Variants in ANKS1B observed in about 807,000 individuals in gnomAD.
The protein encoded by ANKS1B is ankyrin repeat and sterile alpha motif domain-containing protein 1B.
Under a neutral mutation model 148.3 loss-of-function variants are expected in ANKS1B, and 36 were observed. The observed-to-expected ratio is 0.24, with a 90% CI of 0.19 to 0.32. The LOEUF is 0.32. ANKS1B is among the 10% of genes least tolerant of loss of function. The pLI, the probability that ANKS1B is intolerant of heterozygous loss-of-function variation, is 1.00. For synonymous variants in ANKS1B, 542 were observed against 560.8 expected (o/e 0.97, Z 0.47); for missense variants, 1,157 against 1,542.6 (o/e 0.75, Z 4.19).
At position 99,646,385 on chromosome 12, in the gene ANKS1B, A is replaced by G. The variant is rs768532850; in HGVS notation, c.1272+8682T>C. ...AACTAAAGACTCAAGTGGGCTGGGC[A>G]CGGTGGCTCACACCTGTAATCCCAG... On this transcript the variant is annotated intron_variant, in intron 9 of 26. Transcript: ENST00000683438. Among the ~76,000 whole-genome samples, 5 of 152,176 alleles carry G rather than the reference A, an allele frequency of 3.3e-5. No individual in the cohort carries two copies. The South Asian group carries it at 6.2e-4, about 19-fold the overall frequency.
At chr12:99,784,250 C>A (rs182346548) in intron 4 of ANKS1B, among the ~76,000 whole-genome samples, 2 of 149,934 alleles carry the variant, frequency 1.3e-5, no homozygotes, top group Admixed American at 1.3e-4. Flanking sequence ...CAGCTCACTG[C>A]AAGCTCCGCC....
In ANKS1B at chr12:98,957,767, A is replaced by G. The variant is rs139724166; in HGVS notation, c.2778+95390T>C. ...ACAATTTTCACTTAGATTAATATAC[A>G]TAGATTTATAGTAGCTTGTGGGGGA... is the stretch of plus-strand genomic sequence containing the variant. On this transcript the variant is annotated intron_variant, in intron 17 of 26. Coordinates refer to ENST00000683438, the MANE Select transcript of ANKS1B (RefSeq NM_001352186.2). 5.6e-3 allele frequency among the ~76,000 whole-genome samples: 856 copies of G among 152,302 alleles called. 9 individuals are homozygous for G. The highest frequency in any genetic ancestry group is 0.02 in the African/African-American group (825 of 41,558).
intron 17 of ANKS1B, among the ~76,000 whole-genome samples, chr12:98,992,022 C>T (rs1021025948): frequency 7.2e-5 from 11 of 152,136 alleles, no homozygotes; most frequent in Admixed American, 1.3e-4. Context: ...AGACAAATCA[C>T]TCTGCAGAGG....
chr12:99,763,906 T>C (rs1047544327), intron 8 of ANKS1B, among the ~76,000 whole-genome samples: 22 of 152,118 alleles, frequency 1.4e-4, no homozygotes, highest in African/African-American at 5.1e-4. Context: ...CTAAGAAAAA[T>C]ATAATTTGAC....
intron 1 of ANKS1B, among the ~76,000 whole-genome samples, chr12:99,966,695 T>C (rs2095488895): frequency 6.6e-6 from 1 of 152,232 alleles, no homozygotes; most frequent in Non-Finnish European, 1.5e-5. Context: ...AAATGCATAG[T>C]GTACACCTCA....
intron 1 of ANKS1B, among the ~76,000 whole-genome samples, chr12:99,878,238 A>C (rs1054450669): frequency 1.2e-4 from 19 of 152,208 alleles, no homozygotes; most frequent in African/African-American, 4.6e-4. Context: ...TCAAATGAGA[A>C]AAAGTAGAAG....
intron 12 of ANKS1B, among the ~76,000 whole-genome samples, chr12:99,253,637 A>G (rs914989310): frequency 1.3e-5 from 2 of 152,236 alleles, no homozygotes; most frequent in African/African-American, 4.8e-5. Flanking sequence ...ATAAAACAGA[A>G]AGACACGAGC....
intron 10 of ANKS1B, among the ~76,000 whole-genome samples, chr12:99,490,841 A>G (rs1422262998): frequency 2.0e-5 from 3 of 152,264 alleles, no homozygotes; most frequent in Non-Finnish European, 4.4e-5. Context: ...GTAAGTCTGC[A>G]GTAGATATAT....
chr12:99,754,884 C>A (rs192240858), intron 8 of ANKS1B, among the ~76,000 whole-genome samples: 3 of 152,052 alleles, frequency 2.0e-5, no homozygotes, highest in African/African-American at 7.2e-5. Context: ...TAAATGCCCA[C>A]GTCAAAAAGT....
At chr12:98,890,760 CA>C (rs899125476) in intron 17 of ANKS1B, among the ~76,000 whole-genome samples, 1 of 152,170 alleles carries the variant, frequency 6.6e-6, no homozygotes, top group Non-Finnish European at 1.5e-5. Flanking sequence ...TCTTAAAATA[CA>C]ATGTTCTCTT....
At chr12:99,891,120 C>T (rs1181717874) in intron 1 of ANKS1B, among the ~76,000 whole-genome samples, 1 of 152,108 alleles carries the variant, frequency 6.6e-6, no homozygotes, top group Middle Eastern at 3.2e-3. Flanking sequence ...ATCAATAGAT[C>T]ACTCCTAAAA....
chr12:99,769,045 T>C (rs1264084829), intron 8 of ANKS1B, among the ~76,000 whole-genome samples: 2 of 151,578 alleles, frequency 1.3e-5, no homozygotes, highest in Non-Finnish European at 2.9e-5. Context: ...CAATCTACGC[T>C]AATTTGTTAT....
intron 9 of ANKS1B, among the ~76,000 whole-genome samples, chr12:99,596,598 T>A (rs2097760508): frequency 6.6e-6 from 1 of 151,964 alleles, no homozygotes; most frequent in Non-Finnish European, 1.5e-5. Context: ...ATCTTTAAAG[T>A]ATGTTTAAGC....
At chr12:98,918,506 C>T (rs1002267432) in intron 17 of ANKS1B, among the ~76,000 whole-genome samples, 5 of 152,218 alleles carry the variant, frequency 3.3e-5, no homozygotes, top group African/African-American at 1.2e-4. Flanking sequence ...AATGTTAGAT[C>T]ATTCTCATTT....
intron 18 of ANKS1B, chr12:98,831,755 C>G: frequency 2.6e-6 from 1 of 385,342 alleles, no homozygotes; most frequent in South Asian, 3.0e-5. Context: ...TATAAAACTA[C>G]ATAAAATAAT....
chr12:99,046,252 C>T (rs951683755), intron 17 of ANKS1B, among the ~76,000 whole-genome samples: 1 of 151,738 alleles, frequency 6.6e-6, no homozygotes, highest in South Asian at 2.1e-4. Context: ...CAGAGCAATA[C>T]CCAAAAATAT....
At chr12:99,123,647 C>G (rs1346335889) in intron 15 of ANKS1B, among the ~76,000 whole-genome samples, 1 of 152,116 alleles carries the variant, frequency 6.6e-6, no homozygotes, top group African/African-American at 2.4e-5. Context: ...GAGCCCCTGG[C>G]AAATCACTGG....
At chr12:99,916,997 C>G (rs2094191222) in intron 1 of ANKS1B, among the ~76,000 whole-genome samples, 1 of 152,016 alleles carries the variant, frequency 6.6e-6, no homozygotes, top group South Asian at 2.1e-4. Flanking sequence ...GAAAACAAAC[C>G]CATATATAGT....
chr12:99,451,344 C>A (rs1000199463), intron 10 of ANKS1B, among the ~76,000 whole-genome samples: 2 of 152,128 alleles, frequency 1.3e-5, no homozygotes, highest in African/African-American at 4.8e-5. Flanking sequence ...CAATACCCAG[C>A]ATGTAACAAA....
Sources: allele counts gnomAD v4.1 joint callset (sites outside exome capture counted in the v4.1 genomes callset), GRCh38; gene constraint gnomAD v4.1.1; transcripts MANE v1.5; gene names NCBI Gene and HGNC (gene_info 2026-07-23, HGNC 2026-07-21).